RPH3AL: variants seen among roughly 807,000 people sequenced by gnomAD.
RPH3AL encodes the protein rabphilin 3A like (without C2 domains).
A neutral mutation model predicts 43.1 loss-of-function variants in RPH3AL; 38 were observed. That is an observed-to-expected ratio of 0.88 (90% confidence interval 0.68 to 1.15). The LOEUF (loss-of-function observed/expected upper bound fraction) is 1.15. Ranked by LOEUF, RPH3AL falls within the 50% of genes most tolerant of loss-of-function variation. The probability of loss-of-function intolerance (pLI) is 0.00; values close to 1 mark genes in which losing one functional copy is unlikely to be tolerated. For missense variants in RPH3AL, 462 were observed against 423.2 expected (o/e 1.09, Z -0.81); for synonymous variants, 189 against 176.3 (o/e 1.07, Z -0.57).
At chr17:253,241 A>AAGT (rs1555543316) in intron 6 of RPH3AL, among the ~76,000 whole-genome samples, 1 of 152,022 alleles carries the variant, frequency 6.6e-6, no homozygotes, top group Non-Finnish European at 1.5e-5. Context: ...GTGCTCCCCC[A>AAGT]CCTCACGCCC....
chr17:322,744 T>C lies in RPH3AL; in HGVS notation c.78-1329A>G, dbSNP rs2044515093. On this transcript the variant is annotated intron_variant, in intron 3 of 9. Coordinates refer to ENST00000331302, the MANE Select transcript of RPH3AL (RefSeq NM_006987.4). The surrounding 1 kb of genome is among the most constrained non-coding windows in gnomAD (Gnocchi z 4.0). ...CACAAGATGGGCCCCGGTGGTCTCATGTCCTGCCTGGTCCCGGCTGTTGCA... is the reference window on the plus strand; with the variant it reads ...CACAAGATGGGCCCCGGTGGTCTCACGTCCTGCCTGGTCCCGGCTGTTGCA... Among the ~76,000 whole-genome samples the C allele has an allele frequency of 6.6e-6, 1 of 151,940 alleles. No individual in the cohort carries two copies.
At chr17:244,192 AC>A (rs199673640) in intron 7 of RPH3AL, among the ~76,000 whole-genome samples, 1 of 82,304 alleles carries the variant, frequency 1.2e-5, no homozygotes, top group Non-Finnish European at 2.6e-5. Context: ...TCTATTGATT[AC>A]CCTTCCTCTA....
chr17:331,917 G>A, intron 2 of RPH3AL: 1 of 1,255,064 alleles, frequency 8.0e-7, no homozygotes, highest in Admixed American at 2.3e-5. Context: ...GAACAAAATA[G>A]GGCCTTATAG....
At chr17:340,705 C>T (rs558823660) in intron 1 of RPH3AL, among the ~76,000 whole-genome samples, 14 of 128,330 alleles carry the variant, frequency 1.1e-4, no homozygotes, top group African/African-American at 3.4e-4. Flanking sequence ...TGGGCCCAGG[C>T]CTCCCCACAT....
chr17:313,604 C>T (rs1411651204), intron 5 of RPH3AL, among the ~76,000 whole-genome samples: 3 of 152,238 alleles, frequency 2.0e-5, no homozygotes, highest in East Asian at 1.9e-4. Context: ...AGGTGCTCTG[C>T]GTTAATTCAA....
rs575435820 is a variant in RPH3AL at position 233,491 on chromosome 17, A to G, written c.613+13620T>C. 1.7e-3 allele frequency among the ~76,000 whole-genome samples: 259 copies of G among 152,228 alleles called. 1 individual carries two copies. The highest frequency in any genetic ancestry group is 5.8e-3 in the African/African-American group (243 of 41,548). Reference sequence around the variant, plus strand: ...GATGAGGTCACGTTGGGCCACCTCCATGATCATGGCAGCCACTAGGGGCAG... The same window carrying G: ...GATGAGGTCACGTTGGGCCACCTCCGTGATCATGGCAGCCACTAGGGGCAG... On this transcript the variant is annotated intron_variant, in intron 7 of 9. Coordinates refer to ENST00000331302, the MANE Select transcript of RPH3AL (RefSeq NM_006987.4).
At chr17:314,376 C>T (rs1397352647) in intron 5 of RPH3AL, among the ~76,000 whole-genome samples, 1 of 146,508 alleles carries the variant, frequency 6.8e-6, no homozygotes, top group Non-Finnish European at 1.5e-5. Context: ...CTGCCCGAGT[C>T]CTGCAAGTTG....
chr17:256,071 T>G (rs371374789), intron 6 of RPH3AL, among the ~76,000 whole-genome samples: 28 of 32,410 alleles, frequency 8.6e-4, no homozygotes, highest in Non-Finnish European at 1.3e-3. Context: ...CGTCTGTCCT[T>G]TTCCATCCCT....
At position 264,533 on chromosome 17, in the gene RPH3AL, G is replaced by A. The variant is rs113299843; in HGVS notation, c.438+17235C>T. Among the ~76,000 whole-genome samples the A allele has an allele frequency of 1.6e-4, 25 of 151,828 alleles. No homozygotes were observed. Among genetic ancestry groups the A allele is most frequent in the Non-Finnish European group, 1.5e-4 (10 of 67,964 alleles). On this transcript the variant is annotated intron_variant, in intron 6 of 9. Transcript: ENST00000331302. The surrounding 1 kb of genome is among the most constrained non-coding windows in gnomAD (Gnocchi z 4.8). The stretch of plus-strand genomic sequence containing the variant: ...GCAGGATTACCCTTCGGAGCCGTGC[G>A]CGCTGGATGGGGACTCAGAATCCGC...
intron 1 of RPH3AL, among the ~76,000 whole-genome samples, chr17:350,078 G>A (rs1025527933): frequency 1.3e-5 from 2 of 151,248 alleles, no homozygotes; most frequent in Non-Finnish European, 3.0e-5. Context: ...CTAACCAGCG[G>A]TTTAATTTGG....
intron 6 of RPH3AL, among the ~76,000 whole-genome samples, chr17:273,386 G>A (rs868150688): frequency 9.9e-5 from 6 of 60,662 alleles, no homozygotes; most frequent in Admixed American, 1.7e-4. Flanking sequence ...TGACGTCAGG[G>A]AGAGACCCCA....
chr17:309,040 G>A (rs1471222394), intron 5 of RPH3AL, among the ~76,000 whole-genome samples: 1 of 152,222 alleles, frequency 6.6e-6, no homozygotes, highest in African/African-American at 2.4e-5. Context: ...GCTCAAGCCT[G>A]TAATCCCAGC....
At chr17:282,712 C>T (rs888789988) in intron 5 of RPH3AL, among the ~76,000 whole-genome samples, 17 of 152,204 alleles carry the variant, frequency 1.1e-4, no homozygotes, top group Non-Finnish European at 2.5e-4. Flanking sequence ...ATAGAGCACA[C>T]TTACGCAAAC....
chr17:219,863 C>T (rs757416058), intron 7 of RPH3AL, 127 bp from the exon 8 acceptor site: 129 of 671,284 alleles, frequency 1.9e-4, no homozygotes, highest in Admixed American at 3.6e-4. Context: ...CTGGCCCTTT[C>T]GCTTTGGGCA....
chr17:311,440 C>G (rs906822135), intron 5 of RPH3AL, among the ~76,000 whole-genome samples: 4 of 152,142 alleles, frequency 2.6e-5, no homozygotes, highest in African/African-American at 9.7e-5. Flanking sequence ...AGAAACCTGC[C>G]CAGCCTCCAG....
intron 5 of RPH3AL, among the ~76,000 whole-genome samples, chr17:310,660 C>G (rs114797799): frequency 0.01 from 1,562 of 152,298 alleles, 35 homozygotes; most frequent in African/African-American, 0.035. Flanking sequence ...CCCCCCAGGG[C>G]TGCCGCCTTA....
chr17:284,854 C>T (rs1018182521), intron 5 of RPH3AL, among the ~76,000 whole-genome samples: 5 of 152,294 alleles, frequency 3.3e-5, no homozygotes, highest in South Asian at 2.1e-4. Flanking sequence ...GGTGCCCACA[C>T]GGTCAGGTTC....
At chr17:233,906 CGGCT>C (rs1181759760) in intron 7 of RPH3AL, among the ~76,000 whole-genome samples, 2 of 101,572 alleles carry the variant, frequency 2.0e-5, no homozygotes, top group African/African-American at 7.4e-5. Context: ...AAGCGGGGAG[CGGCT>C]ACTTACCCTG....
chr17:223,748 C>T (rs35147412), intron 7 of RPH3AL, among the ~76,000 whole-genome samples: 1 of 152,178 alleles, frequency 6.6e-6, no homozygotes, highest in East Asian at 1.9e-4. Flanking sequence ...TCTGGAAAAG[C>T]CTTCATGGCT....
Sources: allele counts gnomAD v4.1 joint callset (sites outside exome capture counted in the v4.1 genomes callset), GRCh38; gene constraint gnomAD v4.1.1; non-coding constraint Gnocchi (gnomAD v3.1); transcripts MANE v1.5; gene names NCBI Gene and HGNC (gene_info 2026-07-23, HGNC 2026-07-21).